Variants in THADA observed in about 807,000 individuals in gnomAD.
The protein encoded by THADA is tRNA (32-2'-O)-methyltransferase regulator THADA.
THADA carries 213 observed loss-of-function variants against 219.8 expected under a neutral mutation model. The ratio of observed to expected loss-of-function variants is 0.97; its 90% CI spans 0.87 to 1.09. The LOEUF (loss-of-function observed/expected upper bound fraction) is 1.09. Ranked by LOEUF, THADA falls within the 50% of genes least tolerant of loss-of-function variation. The pLI is 0.00. For missense variants in THADA, 2,956 were observed against 2,311.3 expected (o/e 1.28, Z -5.72); for synonymous variants, 1,018 against 828.9 (o/e 1.23, Z -3.92).
chr2:43,558,935 G>T (rs1039482371), intron 16 of THADA, among the ~76,000 whole-genome samples: 1 of 152,124 alleles, frequency 6.6e-6, no homozygotes, highest in Non-Finnish European at 1.5e-5. Flanking sequence ...TCTATGGCTA[G>T]TGTCAATATA....
chr2:43,378,491 C>G (rs184050959), intron 29 of THADA, among the ~76,000 whole-genome samples: 7 of 152,258 alleles, frequency 4.6e-5, no homozygotes, highest in African/African-American at 1.7e-4. Context: ...TGTAAGCCAT[C>G]AATAACAGAA....
intron 28 of THADA, among the ~76,000 whole-genome samples, chr2:43,404,821 C>T (rs961218570): frequency 3.9e-5 from 6 of 152,144 alleles, no homozygotes; most frequent in Non-Finnish European, 8.8e-5. Context: ...AGTCAGTAAA[C>T]CTAGGTTTGT....
chr2:43,572,249 T>G (rs1369951494), intron 12 of THADA, among the ~76,000 whole-genome samples: 1 of 152,200 alleles, frequency 6.6e-6, no homozygotes, highest in Non-Finnish European at 1.5e-5. Context: ...TCCACTAATG[T>G]AACTCCTTGC....
chr2:43,556,216 G>A (rs114186945), intron 17 of THADA, 129 bp downstream of exon 17: 5 of 1,479,620 alleles, frequency 3.4e-6, no homozygotes, highest in Non-Finnish European at 4.5e-6. Flanking sequence ...AGAACCCATG[G>A]TGCTCTTATA....
intron 36 of THADA, among the ~76,000 whole-genome samples, chr2:43,246,958 G>A (rs1049354487): frequency 6.6e-6 from 1 of 152,250 alleles, no homozygotes; most frequent in Non-Finnish European, 1.5e-5. Context: ...CCAAGGAAGG[G>A]AGAACAATTC....
chr2:43,383,348 T>C (rs1011906839), intron 29 of THADA, among the ~76,000 whole-genome samples: 1 of 152,140 alleles, frequency 6.6e-6, no homozygotes, highest in African/African-American at 2.4e-5. Flanking sequence ...ACCATCTTCT[T>C]GGTAAAATAA....
chr2:43,541,319 T>C lies in THADA; in HGVS notation c.3107-3A>G. On this transcript the variant is annotated splice_polypyrimidine_tract_variant and splice_region_variant and intron_variant, in intron 20 of 37. Coordinates refer to ENST00000405975, the MANE Select transcript of THADA (RefSeq NM_022065.5). The stretch of plus-strand genomic sequence containing the variant: ...ATCACATGTTTTTACTTCTTTACCT[T>C]AAACAAAAAAAAACACAACGATTGC... 1.9e-6 allele frequency: 3 copies of C among 1,610,992 alleles called. No individual in the cohort carries two copies. The highest frequency in any genetic ancestry group is 2.5e-6 in the Non-Finnish European group (3 of 1,178,880).
chr2:43,521,480 C>G (rs1692475506), intron 22 of THADA, among the ~76,000 whole-genome samples: 1 of 152,122 alleles, frequency 6.6e-6, no homozygotes, highest in Non-Finnish European at 1.5e-5. Context: ...CACTTGAACC[C>G]GGGAGACAGA....
At chr2:43,253,252 T>G (rs1196206880) in intron 36 of THADA, among the ~76,000 whole-genome samples, 4 of 152,094 alleles carry the variant, frequency 2.6e-5, no homozygotes, top group African/African-American at 9.7e-5. Context: ...CGTGGCTGGA[T>G]AGAGGTCATG....
chr2:43,576,878 C>T (rs1699911057), intron 10 of THADA, 144 bp downstream of exon 10: 1 of 713,470 alleles, frequency 1.4e-6, no homozygotes, highest in Non-Finnish European at 2.4e-6. Flanking sequence ...TGGTTTTGAA[C>T]TCCTGGCCTC....
At chr2:43,528,047 A>G (rs1456092388) in intron 21 of THADA, 59 bp from the exon 22 acceptor site, 41 of 1,272,340 alleles carry the variant, frequency 3.2e-5, no homozygotes, top group Non-Finnish European at 4.3e-5. Flanking sequence ...AAGTGTATTT[A>G]TATCAGTAAC....
At chr2:43,301,761 A>G (rs1173969752) in intron 31 of THADA, among the ~76,000 whole-genome samples, 2 of 152,198 alleles carry the variant, frequency 1.3e-5, no homozygotes, top group African/African-American at 4.8e-5. Context: ...CTAGTTTTAA[A>G]GTGACCTAGG....
chr2:43,542,454 A>C (rs1288316193), intron 20 of THADA, among the ~76,000 whole-genome samples: 1 of 152,060 alleles, frequency 6.6e-6, no homozygotes, highest in Non-Finnish European at 1.5e-5. Flanking sequence ...ATTTTTTGCA[A>C]GACAATATCC....
intron 26 of THADA, among the ~76,000 whole-genome samples, chr2:43,450,438 T>C (rs565975126): frequency 3.9e-4 from 60 of 151,968 alleles, no homozygotes; most frequent in Non-Finnish European, 7.1e-4. Flanking sequence ...AATTAGAATG[T>C]TACAACCTTA....
At chr2:43,241,877 C>T (rs1399737416) in intron 36 of THADA, among the ~76,000 whole-genome samples, 4 of 152,156 alleles carry the variant, frequency 2.6e-5, no homozygotes, top group Non-Finnish European at 5.9e-5. Flanking sequence ...GCCCCAGGCC[C>T]TCCCCTTACT....
At chr2:43,248,414 T>C (rs770310292) in intron 36 of THADA, among the ~76,000 whole-genome samples, 2 of 151,850 alleles carry the variant, frequency 1.3e-5, no homozygotes, top group Non-Finnish European at 2.9e-5. Context: ...GTATTTTTAG[T>C]ACAGATGGGG....
At chr2:43,368,402 A>G (rs1670412585) in intron 29 of THADA, among the ~76,000 whole-genome samples, 1 of 151,790 alleles carries the variant, frequency 6.6e-6, no homozygotes, top group African/African-American at 2.4e-5. Context: ...TCCACTCCAT[A>G]CCACTTTGTT....
At chr2:43,282,799 C>T (rs1385074709) in intron 35 of THADA, among the ~76,000 whole-genome samples, 1 of 152,218 alleles carries the variant, frequency 6.6e-6, no homozygotes, top group African/African-American at 2.4e-5. Flanking sequence ...GCTTGGTTTT[C>T]TTATACATCA....
intron 25 of THADA, among the ~76,000 whole-genome samples, chr2:43,489,308 GTAGCTGGGACTACAGGTGCATGTCAC>G (rs1344637536): frequency 6.6e-6 from 1 of 152,132 alleles, no homozygotes; most frequent in African/African-American, 2.4e-5. Context: ...AGCCTTCCGA[GTAGCTGGGACTACAGGTGCATGTCAC>G]TATGCCCAGC....
Sources: allele counts gnomAD v4.1 joint callset (sites outside exome capture counted in the v4.1 genomes callset), GRCh38; gene constraint gnomAD v4.1.1; transcripts MANE v1.5; gene names NCBI Gene and HGNC (gene_info 2026-07-23, HGNC 2026-07-21).